The following ARHGEF28 variants were observed in gnomAD, a reference collection of about 807,000 sequenced individuals.
The protein encoded by ARHGEF28 is 190 kDa guanine nucleotide exchange factor.
A neutral mutation model predicts 206.6 loss-of-function variants in ARHGEF28; 152 were observed. The observed-to-expected ratio is 0.74, with a 90% CI of 0.64 to 0.84. The LOEUF (loss-of-function observed/expected upper bound fraction) is 0.84, where lower values mean the gene tolerates loss of function less well. ARHGEF28 is among the 40% of genes least tolerant of loss of function. The probability of loss-of-function intolerance (pLI) is 0.00; values close to 1 mark genes in which losing one functional copy is unlikely to be tolerated. For missense variants in ARHGEF28, 2,028 were observed against 2,073.2 expected, an observed-to-expected ratio of 0.98 and a Z score of 0.42; for synonymous variants, 763 against 776.4, an observed-to-expected ratio of 0.98 and a Z score of 0.29.
chr5:73,811,128 A>T (rs1279602074), intron 9 of ARHGEF28, among the ~76,000 whole-genome samples: 2 of 152,174 alleles, frequency 1.3e-5, no homozygotes, highest in African/African-American at 2.4e-5. Flanking sequence ...CTGAAGAAAA[A>T]TAACAGTATC....
Position 73,846,303 on chromosome 5 carries a change from G to A in ARHGEF28, c.1463G>A (p.Gly488Glu), listed in dbSNP as rs771252316. ...GATGCCTTGGACGCCGACAGTGAAGGGGAAGGGCATTCTGAGCCATCCCAC... is the reference window on the plus strand; with the variant it reads ...GATGCCTTGGACGCCGACAGTGAAGAGGAAGGGCATTCTGAGCCATCCCAC... ...SLDALDADSE[G>E]EGHSEPSHIC... Residue 488 changes from glycine (G) to glutamate (E), a missense_variant, in exon 12 of 36, where the codon GGG becomes GAG. Physicochemically the swap from Gly to Glu is moderately conservative, Grantham distance 98. This residue lies in a region of ARHGEF28 where 1,002 missense variants were observed against 1,015.3 expected (regional missense o/e 0.99). Transcript: ENST00000513042. The A allele has an allele frequency of 1.2e-6, 2 of 1,613,700 alleles. No homozygotes were observed. The highest frequency in any genetic ancestry group is 1.7e-6 in the Non-Finnish European group (2 of 1,179,732).
chr5:73,760,163 G>T, intron 4 of ARHGEF28, among the ~76,000 whole-genome samples: 1 of 152,188 alleles, frequency 6.6e-6, no homozygotes, highest in East Asian at 1.9e-4. Flanking sequence ...CACAGATGAA[G>T]TAAAATGTCA....
At chr5:73,806,823 G>A (rs887220787) in intron 9 of ARHGEF28, among the ~76,000 whole-genome samples, 2 of 128,270 alleles carry the variant, frequency 1.6e-5, no homozygotes, top group Non-Finnish European at 1.6e-5. Context: ...CCATATATAC[G>A]ATATATCGTA....
At chr5:73,775,848 C>T (rs1181607879) in intron 5 of ARHGEF28, among the ~76,000 whole-genome samples, 1 of 103,142 alleles carries the variant, frequency 9.7e-6, no homozygotes, top group Non-Finnish European at 1.9e-5. Context: ...ATGTTCTCAG[C>T]CAAGATATAA....
intron 9 of ARHGEF28, among the ~76,000 whole-genome samples, chr5:73,814,253 T>A (rs1756039548): frequency 6.6e-6 from 1 of 152,158 alleles, no homozygotes; most frequent in South Asian, 2.1e-4. Context: ...AGTCACATTG[T>A]AAATAGTTTA....
At chr5:73,843,143 G>A (rs562582308) in intron 11 of ARHGEF28, among the ~76,000 whole-genome samples, 23 of 152,216 alleles carry the variant, frequency 1.5e-4, no homozygotes, top group South Asian at 6.2e-4. Flanking sequence ...GCAGAGTATC[G>A]AAATTATACT....
rs148321971 is a variant in ARHGEF28 at position 73,827,114 on chromosome 5, T to C, written c.1025-5224T>C. Among the ~76,000 whole-genome samples, 432 of 152,360 alleles carry C rather than the reference T, an allele frequency of 2.8e-3. 1 individual carries two copies. The highest frequency in any genetic ancestry group is 9.7e-3 in the African/African-American group (405 of 41,580). ...CATTTCATGAGAGCTCATCCTTCAG[T>C]CCTTGGAGGTAAATCCTATAGGCAG... is the stretch of plus-strand genomic sequence containing the variant. On this transcript the variant is annotated intron_variant, in intron 9 of 35. Coordinates refer to ENST00000513042, the MANE Select transcript of ARHGEF28 (RefSeq NM_001177693.2).
chr5:73,723,965 G>A (rs1750126062), intron 2 of ARHGEF28, among the ~76,000 whole-genome samples: 1 of 152,224 alleles, frequency 6.6e-6, no homozygotes, highest in Admixed American at 6.5e-5. Flanking sequence ...CTCTGTCTCT[G>A]TTCCCTTTTC....
chr5:73,747,469 G>A (rs1751787170), intron 2 of ARHGEF28, among the ~76,000 whole-genome samples: 1 of 152,100 alleles, frequency 6.6e-6, no homozygotes, highest in South Asian at 2.1e-4. Flanking sequence ...CTCCTAAGTA[G>A]CTTTATCTAA....
intron 2 of ARHGEF28, among the ~76,000 whole-genome samples, chr5:73,746,009 A>G (rs1751699034): frequency 6.6e-6 from 1 of 152,084 alleles, no homozygotes; most frequent in Non-Finnish European, 1.5e-5. Context: ...TCAGCGAGGA[A>G]CTGTTTATGA....
In ARHGEF28 at chr5:73,802,870, CTGTGTGTGTGTGTG is replaced by C. The variant is rs561505395; in HGVS notation, c.1024+7517_1024+7530del. ...GATAATTGGCCAGCAAGCTCGATTG[CTGTGTGTGTGTGTG>C]TGTGTGTGTGTGTGTGTGTGTGTGT... On this transcript the variant is annotated intron_variant, in intron 9 of 35. Coordinates refer to ENST00000513042, the MANE Select transcript of ARHGEF28 (RefSeq NM_001177693.2). Among the ~76,000 whole-genome samples the C allele has an allele frequency of 3.8e-3, 461 of 122,222 alleles. 9 individuals are homozygous for C. In the East Asian group the frequency reaches 0.051, roughly 14 times the overall value. 80.2% of individuals were successfully genotyped at this position (122,222 alleles called of 152,430 possible). A position where few individuals can be genotyped will look rare whatever the true frequency, so the allele number is the denominator to read the frequency against.
intron 7 of ARHGEF28, among the ~76,000 whole-genome samples, chr5:73,790,443 A>G (rs779380942): frequency 2.6e-4 from 39 of 152,212 alleles, no homozygotes; most frequent in Non-Finnish European, 4.7e-4. Flanking sequence ...ATGATATGCC[A>G]AGGAGCACAT....
intron 1 of ARHGEF28, among the ~76,000 whole-genome samples, chr5:73,631,621 A>G (rs1047602657): frequency 3.3e-5 from 5 of 152,166 alleles, no homozygotes; most frequent in African/African-American, 1.2e-4. Context: ...CTGGCTTCCT[A>G]CATTGCACAG....
chr5:73,864,649 G>A (rs1247586998), intron 16 of ARHGEF28, among the ~76,000 whole-genome samples, 168 bp from the exon 17 acceptor site: 1 of 152,306 alleles, frequency 6.6e-6, no homozygotes, highest in African/African-American at 2.4e-5. Context: ...TGCTTGAGTG[G>A]TGAGGATACA....
chr5:73,757,032 G>A (rs907837342), intron 4 of ARHGEF28, among the ~76,000 whole-genome samples: 2 of 152,134 alleles, frequency 1.3e-5, no homozygotes. Context: ...TAACCATTTG[G>A]TGGGGTTCCA....
chr5:73,753,403 G>A (rs1319034860), intron 4 of ARHGEF28, among the ~76,000 whole-genome samples: 2 of 152,182 alleles, frequency 1.3e-5, no homozygotes, highest in East Asian at 3.9e-4. Context: ...GGAGGTGTGG[G>A]ATAAATGGAA....
At chr5:73,689,779 C>T (rs201670086) in intron 2 of ARHGEF28, among the ~76,000 whole-genome samples, 2 of 140,334 alleles carry the variant, frequency 1.4e-5, no homozygotes, top group Non-Finnish European at 3.2e-5. Flanking sequence ...AAAGAAAAAA[C>T]AAAAAAAAAA....
Position 73,717,300 on chromosome 5 carries a change from G to A in ARHGEF28, c.33+32416G>A, listed in dbSNP as rs112314500. On this transcript the variant is annotated intron_variant, in intron 2 of 35. Coordinates refer to ENST00000513042, the MANE Select transcript of ARHGEF28 (RefSeq NM_001177693.2). ...TATTTGCCCCCTCTTCCTCCTCTCC[G>A]TTCCTTATCTCCTGACTGTCTTCCT... 1.9e-3 allele frequency among the ~76,000 whole-genome samples: 288 copies of A among 152,028 alleles called. 1 individual carries two copies. Among genetic ancestry groups the A allele is most frequent in the African/African-American group, 6.8e-3 (281 of 41,468 alleles).
At chr5:73,855,421 T>C (rs1758958786) in intron 14 of ARHGEF28, among the ~76,000 whole-genome samples, 3 of 152,198 alleles carry the variant, frequency 2.0e-5, no homozygotes, top group South Asian at 2.1e-4. Context: ...TCAGGTCTTA[T>C]CAACCTCAGC....
Sources: gnomAD v4.1 joint callset for allele counts (sites outside exome capture counted in the v4.1 genomes callset) on GRCh38, gnomAD v4.1.1 for gene constraint, gnomAD v4.1.1 regional missense constraint, MANE v1.5 for transcripts, NCBI Gene and HGNC (gene_info 2026-07-23, HGNC 2026-07-21) for gene names.